VAV1: variants seen among roughly 807,000 people sequenced by gnomAD.
VAV1 encodes the protein proto-oncogene vav.
Under a neutral mutation model 128.1 loss-of-function variants are expected in VAV1, and 33 were observed. The observed-to-expected ratio is 0.26, with a 90% CI of 0.20 to 0.34. The LOEUF is 0.34. VAV1 is among the 10% of genes least tolerant of loss of function. VAV1 has a pLI of 1.00. For synonymous variants in VAV1, 394 were observed against 409.8 expected (o/e 0.96, Z 0.47); for missense variants, 715 against 1,093.7 (o/e 0.65, Z 4.88).
At chr19:6,821,936 T>C (rs1971799319) in intron 4 of VAV1, 77 bp downstream of exon 4, 1 of 1,581,190 alleles carries the variant, frequency 6.3e-7, no homozygotes, top group South Asian at 1.1e-5. Context: ...GGACATGGCC[T>C]TGCCCTCCGG....
intron 1 of VAV1, among the ~76,000 whole-genome samples, chr19:6,796,316 G>C (rs905028121): frequency 6.6e-6 from 1 of 150,422 alleles, no homozygotes. Flanking sequence ...TCTTTATAGG[G>C]ACCCCGGGAG....
Position 6,820,691 on chromosome 19 carries a change from T to A in VAV1, c.205-11T>A, listed in dbSNP as rs540668617. ...GTACTGCCCCACCCTCATTTCTCTG[T>A]CTCCTCACAGTTCCTGTGCCTTAAG... On this transcript the variant is annotated splice_polypyrimidine_tract_variant and intron_variant, in intron 1 of 26. Transcript: ENST00000602142. The surrounding 1 kb of genome is among the most constrained non-coding windows in gnomAD (Gnocchi z 4.4). 6.8e-6 allele frequency: 11 copies of A among 1,613,520 alleles called. No homozygotes were observed. In the African/African-American group the frequency reaches 1.3e-4, roughly 20 times the overall value.
In VAV1 at chr19:6,822,757, C is replaced by CA. The variant is rs1340106111; in HGVS notation, c.654+249dup. Among the ~76,000 whole-genome samples, 6 of 146,736 alleles carry CA rather than the reference C, an allele frequency of 4.1e-5. No individual in the cohort carries two copies. Among genetic ancestry groups the CA allele is most frequent in the African/African-American group, 1.2e-4 (5 of 40,352 alleles). ...ATAGGACACTGCCTGCAGGAGCAGT[C>CA]AAAAAACCAAAAACAAACAAAATAA... is the stretch of plus-strand genomic sequence containing the variant. On this transcript the variant is annotated intron_variant, in intron 6 of 26. Transcript: ENST00000602142. The surrounding 1 kb of genome is among the most constrained non-coding windows in gnomAD (Gnocchi z 5.9).
intron 26 of VAV1, 122 bp from the exon 27 acceptor site, chr19:6,856,932 G>C: frequency 1.3e-6 from 1 of 783,536 alleles, no homozygotes; most frequent in Non-Finnish European, 2.2e-6. Context: ...GTGTTTTCTG[G>C]GATAGACAGA....
chr19:6,786,259 C>T (rs931164131), intron 1 of VAV1, among the ~76,000 whole-genome samples: 3 of 152,098 alleles, frequency 2.0e-5, no homozygotes, highest in Admixed American at 6.6e-5. Flanking sequence ...TTCATTCATT[C>T]GCTTAACACA....
intron 21 of VAV1, among the ~76,000 whole-genome samples, 183 bp from the exon 22 acceptor site, chr19:6,842,952 G>A (rs1191062442): frequency 1.3e-5 from 2 of 152,128 alleles, no homozygotes; most frequent in African/African-American, 4.8e-5. Context: ...TATGATACTG[G>A]GGCAGTCTCT....
At chr19:6,854,185 A>G in intron 26 of VAV1, 87 bp downstream of exon 26, 4 of 1,524,318 alleles carry the variant, frequency 2.6e-6, no homozygotes, top group Non-Finnish European at 3.6e-6. Flanking sequence ...GGAGAAGGTG[A>G]GGTGCGGCTC....
At chr19:6,808,939 T>C (rs1053466107) in intron 1 of VAV1, among the ~76,000 whole-genome samples, 3 of 152,164 alleles carry the variant, frequency 2.0e-5, no homozygotes, top group Non-Finnish European at 4.4e-5. Flanking sequence ...TCTCATCCTC[T>C]GGCAATTTAG....
chr19:6,776,641 A>T (rs974991373), intron 1 of VAV1, among the ~76,000 whole-genome samples: 1 of 146,100 alleles, frequency 6.8e-6, no homozygotes, highest in Non-Finnish European at 1.5e-5. Context: ...TCCATCTATC[A>T]GTCTATCCAT....
At chr19:6,797,345 G>GT (rs1971160164) in intron 1 of VAV1, among the ~76,000 whole-genome samples, 1 of 151,910 alleles carries the variant, frequency 6.6e-6, no homozygotes, top group African/African-American at 2.4e-5. Context: ...ACACTCTAAA[G>GT]TAAGAATAGT....
Position 6,772,929 on chromosome 19 carries a change from T to C in VAV1, c.122T>C (p.Val41Ala). The C allele has an allele frequency of 6.2e-7, 1 of 1,614,090 alleles. No homozygotes were observed. The highest frequency in any genetic ancestry group is 8.5e-7 in the Non-Finnish European group (1 of 1,179,980). ...CELAQALRDG[V>A]LLCQLLNNLL... ...CTGGCCCAGGCCCTCCGGGATGGTG[T>C]CCTTCTGTGTCAGCTGCTTAACAAC... Residue 41 changes from valine (V) to alanine (A), a missense_variant, in exon 1 of 27, where the codon GTC becomes GCC. Val to Ala is a moderately conservative substitution (Grantham distance 64). Coordinates refer to ENST00000602142, the MANE Select transcript of VAV1 (RefSeq NM_005428.4). The surrounding 1 kb of genome is among the most constrained non-coding windows in gnomAD (Gnocchi z 4.8).
intron 1 of VAV1, among the ~76,000 whole-genome samples, chr19:6,780,329 G>A (rs1378078089): frequency 6.7e-6 from 1 of 149,826 alleles, no homozygotes; most frequent in East Asian, 1.9e-4. Context: ...AAAGTGTTTA[G>A]CTGCATATGC....
chr19:6,845,391 TAAAC>T (rs1447300143), intron 22 of VAV1, among the ~76,000 whole-genome samples: 1 of 151,736 alleles, frequency 6.6e-6, no homozygotes, highest in Non-Finnish European at 1.5e-5. Flanking sequence ...TCTCAAAAAA[TAAAC>T]AAACAAACAA....
intron 14 of VAV1, among the ~76,000 whole-genome samples, chr19:6,831,233 C>T (rs191395078): frequency 9.1e-4 from 139 of 152,276 alleles, no homozygotes; most frequent in African/African-American, 3.2e-3. Context: ...TTCCTTACTT[C>T]CTTCTGCTTT....
At position 6,820,877 on chromosome 19, in the gene VAV1, C is replaced by A; in HGVS notation, c.321+59C>A. On this transcript the variant is annotated intron_variant, in intron 2 of 26. Transcript: ENST00000602142. This position sits in a 1 kb window ranked among gnomAD's most constrained non-coding sequence, Gnocchi z 4.4. ...TTCAGTTAATTTCTATTGACGTCTACACTGGGCAAGCTAAGGACTGTCAGG... is the reference window on the plus strand; with the variant it reads ...TTCAGTTAATTTCTATTGACGTCTAAACTGGGCAAGCTAAGGACTGTCAGG... 1 of 1,522,414 alleles carries A rather than the reference C, an allele frequency of 6.6e-7. No individual in the cohort carries two copies. Among genetic ancestry groups the A allele is most frequent in the Non-Finnish European group, 9.1e-7 (1 of 1,098,102 alleles). The allele number at this position is 1,522,414 out of a possible 1,614,324, so 94.3% of individuals were successfully genotyped here.
chr19:6,824,415 T>C (rs1171860063), intron 6 of VAV1, among the ~76,000 whole-genome samples: 1 of 152,252 alleles, frequency 6.6e-6, no homozygotes, highest in Non-Finnish European at 1.5e-5. Context: ...GTGGTTTATA[T>C]GTGTCTGGCT....
intron 19 of VAV1, 69 bp from the exon 20 acceptor site, chr19:6,836,363 G>A (rs927021595): frequency 4.5e-5 from 70 of 1,549,974 alleles, no homozygotes; most frequent in South Asian, 3.2e-4. Flanking sequence ...AGCCATTCTC[G>A]TGGGTGGCAA....
intron 1 of VAV1, among the ~76,000 whole-genome samples, chr19:6,784,871 T>C (rs1970853121): frequency 6.6e-6 from 1 of 152,196 alleles, no homozygotes; most frequent in South Asian, 2.1e-4. Context: ...TTCACAGAGA[T>C]GCTAGAAATC....
intron 1 of VAV1, among the ~76,000 whole-genome samples, chr19:6,817,982 A>T (rs570683739): frequency 2.6e-5 from 4 of 152,108 alleles, no homozygotes; most frequent in East Asian, 1.9e-4. Context: ...CACCACGCCC[A>T]GCCTTAAATT....
Sources: gnomAD v4.1 joint callset for allele counts (sites outside exome capture counted in the v4.1 genomes callset) on GRCh38, gnomAD v4.1.1 for gene constraint, Gnocchi (gnomAD v3.1) non-coding constraint, MANE v1.5 for transcripts, NCBI Gene and HGNC (gene_info 2026-07-23, HGNC 2026-07-21) for gene names.